Variants in ARIH1 observed in about 807,000 individuals in gnomAD.
The protein encoded by ARIH1 is E3 ubiquitin-protein ligase ARIH1.
A neutral mutation model predicts 85.0 loss-of-function variants in ARIH1; 8 were observed. That is an observed-to-expected ratio of 0.09 (90% CI 0.06 to 0.17). The LOEUF is 0.17. Among genes scored for constraint, ARIH1 ranks in the 10% least tolerant of loss-of-function variants. The pLI is 1.00. For synonymous variants in ARIH1, 238 were observed against 253.6 expected (o/e 0.94, Z 0.59); for missense variants, 311 against 718.1 (o/e 0.43, Z 6.48).
intron 7 of ARIH1, among the ~76,000 whole-genome samples, chr15:72,563,701 T>G (rs1595871019): frequency 6.6e-6 from 1 of 152,334 alleles, no homozygotes; most frequent in South Asian, 2.1e-4. Flanking sequence ...TTCCTTGATG[T>G]TCTAACTTTT....
intron 10 of ARIH1, 90 bp from the exon 11 acceptor site, chr15:72,572,018 T>C: frequency 1.1e-6 from 1 of 899,242 alleles, no homozygotes; most frequent in East Asian, 2.4e-5. Flanking sequence ...TGTTAGATAA[T>C]CTGTAAATCC....
At chr15:72,500,177 T>C (rs2063896817) in intron 1 of ARIH1, among the ~76,000 whole-genome samples, 1 of 151,876 alleles carries the variant, frequency 6.6e-6, no homozygotes, top group African/African-American at 2.4e-5. Context: ...CACTGCAACC[T>C]CCACCTCCTG....
rs2064349857 is a variant in ARIH1, at chr15:72,593,247, G to A, written c.*9955G>A. ...GTCTTTTCTCATTTTAAAGTTGGGT[G>A]TCTTTTTATTGTAGGTGTTATTCTT... is the stretch of plus-strand genomic sequence containing the variant. On this transcript the variant is annotated 3_prime_UTR_variant, in exon 14 of 14. Coordinates refer to ENST00000379887, the MANE Select transcript of ARIH1 (RefSeq NM_005744.5). 1.3e-5 allele frequency: 2 copies of A among 152,042 alleles called. No individual in the cohort carries two copies. The highest frequency in any genetic ancestry group is 2.4e-5 in the African/African-American group (1 of 41,400). 9.4% of individuals were successfully genotyped at this position (152,042 alleles called of 1,614,324 possible). A position where few individuals can be genotyped will look rare whatever the true frequency, so the allele number is the denominator to read the frequency against.
At chr15:72,555,992 T>A in intron 5 of ARIH1, 85 bp downstream of exon 5, 2 of 1,210,200 alleles carry the variant, frequency 1.7e-6, no homozygotes, top group Non-Finnish European at 2.4e-6. Context: ...TCAAAGGAAG[T>A]GAAACTTTTT....
chr15:72,563,004 A>G (rs527396808), intron 6 of ARIH1, among the ~76,000 whole-genome samples: 2 of 152,224 alleles, frequency 1.3e-5, no homozygotes, highest in East Asian at 3.9e-4. Flanking sequence ...CAGAGAAGCA[A>G]TATAAATAGC....
intron 2 of ARIH1, among the ~76,000 whole-genome samples, chr15:72,540,939 G>A (rs1173378324): frequency 6.6e-6 from 1 of 152,170 alleles, no homozygotes; most frequent in Non-Finnish European, 1.5e-5. Flanking sequence ...GATAGTAAAA[G>A]TGTTGATGTG....
intron 1 of ARIH1, among the ~76,000 whole-genome samples, chr15:72,501,534 A>G (rs1313549780): frequency 5.9e-5 from 9 of 152,170 alleles, no homozygotes; most frequent in Non-Finnish European, 1.0e-4. Flanking sequence ...CTGTCTCTAG[A>G]TGGTTTGTTG....
chr15:72,581,781 T>A (rs1314349476), intron 12 of ARIH1: 2 of 226,400 alleles, frequency 8.8e-6, no homozygotes, highest in Middle Eastern at 1.6e-3. Context: ...AAAGAGCAGC[T>A]CTCAGAACGA....
chr15:72,566,081 A>C (rs921859594), intron 7 of ARIH1, among the ~76,000 whole-genome samples: 2 of 152,176 alleles, frequency 1.3e-5, no homozygotes, highest in Non-Finnish European at 2.9e-5. Flanking sequence ...GCCCAGTACC[A>C]TTTCCCTCTA....
Position 72,550,380 on chromosome 15 carries a change from G to A in ARIH1, c.589-4891G>A, listed in dbSNP as rs1009795136. Among the ~76,000 whole-genome samples the A allele has an allele frequency of 5.3e-5, 8 of 152,104 alleles. 1 individual carries two copies. The highest frequency in any genetic ancestry group is 6.3e-3 in the Middle Eastern group (2 of 316). On this transcript the variant is annotated intron_variant, in intron 3 of 13. Coordinates refer to ENST00000379887, the MANE Select transcript of ARIH1 (RefSeq NM_005744.5). ...ATTGTGACCGTTGATCTCTGTTAAG[G>A]ATTCCTACTTGAAAAAAGAATGAAG...
At chr15:72,521,101 T>A (rs1435773217) in intron 2 of ARIH1, among the ~76,000 whole-genome samples, 2 of 151,138 alleles carry the variant, frequency 1.3e-5, no homozygotes, top group African/African-American at 4.9e-5. Context: ...CACCTTGAAC[T>A]CCCAAAATGC....
chr15:72,542,963 C>T (rs1295847112), intron 2 of ARIH1, among the ~76,000 whole-genome samples: 1 of 149,678 alleles, frequency 6.7e-6, no homozygotes, highest in African/African-American at 2.5e-5. Context: ...CAGTCTCGCT[C>T]TGTCACCCAG....
chr15:72,498,917 A>G (rs899742305), intron 1 of ARIH1, among the ~76,000 whole-genome samples: 1 of 145,316 alleles, frequency 6.9e-6, no homozygotes, highest in Middle Eastern at 3.2e-3. Flanking sequence ...TTTAATTTAC[A>G]TTTTTCTGAA....
At chr15:72,581,072 T>G (rs2064293298) in intron 12 of ARIH1, 81 bp downstream of exon 12, 2 of 1,435,172 alleles carry the variant, frequency 1.4e-6, no homozygotes, top group African/African-American at 1.4e-5. Context: ...ATACAGAGTT[T>G]TCAGGGTTCT....
In ARIH1 at chr15:72,509,899, C is replaced by CT. The variant is rs760955928; in HGVS notation, c.376-8153dup. Among the ~76,000 whole-genome samples the CT allele has an allele frequency of 6.3e-3, 897 of 143,326 alleles. 6 individuals carry two copies. The highest frequency in any genetic ancestry group is 0.016 in the African/African-American group (632 of 39,288). The allele number at this position is 143,326 out of a possible 152,430, so 94.0% of individuals were successfully genotyped here. ...CACCAATCGCCCACTCCAGCCCCACCTTTTTTTTTTTTTTTCCCCAAAGAG... is the reference window on the plus strand; with the variant it reads ...CACCAATCGCCCACTCCAGCCCCACCTTTTTTTTTTTTTTTTCCCCAAAGAG... On this transcript the variant is annotated intron_variant, in intron 1 of 13. Transcript: ENST00000379887.
At chr15:72,572,642 G>C (rs999262412) in intron 11 of ARIH1, among the ~76,000 whole-genome samples, 2 of 152,170 alleles carry the variant, frequency 1.3e-5, no homozygotes, top group African/African-American at 4.8e-5. Context: ...CATTCTTATA[G>C]TAAGTTTATT....
At chr15:72,490,935 G>A (rs1405585821) in intron 1 of ARIH1, among the ~76,000 whole-genome samples, 1 of 152,080 alleles carries the variant, frequency 6.6e-6, no homozygotes, top group Non-Finnish European at 1.5e-5. Context: ...GGCCAACATG[G>A]TGAAACCCCG....
intron 1 of ARIH1, among the ~76,000 whole-genome samples, chr15:72,507,099 C>T (rs1300468609): frequency 2.6e-5 from 4 of 151,986 alleles, no homozygotes; most frequent in South Asian, 2.1e-4. Flanking sequence ...CTCAGCTCAC[C>T]GCAACCTCTG....
At chr15:72,565,922 A>T (rs772739048) in intron 7 of ARIH1, among the ~76,000 whole-genome samples, 1 of 152,184 alleles carries the variant, frequency 6.6e-6, no homozygotes, top group Non-Finnish European at 1.5e-5. Context: ...TAGCTAATTA[A>T]TCTGTCATTT....
Sources: allele counts gnomAD v4.1 joint callset (sites outside exome capture counted in the v4.1 genomes callset), GRCh38; gene constraint gnomAD v4.1.1; transcripts MANE v1.5; gene names NCBI Gene and HGNC (gene_info 2026-07-23, HGNC 2026-07-21).